The following SNTB2 variants were observed in gnomAD, a reference collection of about 807,000 sequenced individuals.
SNTB2 encodes the protein beta-2-syntrophin.
SNTB2 carries 34 observed loss-of-function variants against 46.2 expected under a neutral mutation model. The ratio of observed to expected loss-of-function variants is 0.74; its 90% CI spans 0.56 to 0.98. The LOEUF (loss-of-function observed/expected upper bound fraction) is 0.98, where lower values mean the gene tolerates loss of function less well. Ranked by LOEUF, SNTB2 falls within the 50% of genes least tolerant of loss-of-function variation. SNTB2 has a pLI of 0.00. For missense variants in SNTB2, 603 were observed against 731.4 expected (o/e 0.82, Z 2.02); for synonymous variants, 290 against 312.6 (o/e 0.93, Z 0.76).
At chr16:69,233,069 A>G (rs556567229) in intron 1 of SNTB2, among the ~76,000 whole-genome samples, 42 of 152,338 alleles carry the variant, frequency 2.8e-4, no homozygotes, top group African/African-American at 9.9e-4. Context: ...TTCCAAGATC[A>G]CCATAAACCT....
intron 1 of SNTB2, among the ~76,000 whole-genome samples, chr16:69,243,735 A>C (rs1964641231): frequency 6.6e-6 from 1 of 152,174 alleles, no homozygotes; most frequent in Non-Finnish European, 1.5e-5. Context: ...TCAGCTGCTC[A>C]AGGGTTATAC....
chr16:69,240,970 C>T (rs1267719267), intron 1 of SNTB2: 2 of 152,222 alleles, frequency 1.3e-5, no homozygotes, highest in East Asian at 3.9e-4. Context: ...AAGCAGTTCT[C>T]CTGCCTCAGC....
In SNTB2 at chr16:69,187,198, G is replaced by A; in HGVS notation, c.32G>A (p.Gly11Glu). MRVAAATAAA[G>E]AGPAMAVWTR... is the part of the protein sequence containing the mutation. ...GTAGCTGCGGCGACTGCGGCGGCTG[G>A]AGCGGGGCCGGCCATGGCGGTGTGG... The change falls in exon 1 of 7, where the codon GGA becomes GAA. Residue 11 changes from glycine (G) to glutamate (E), a missense_variant. Gly to Glu is a moderately conservative substitution (Grantham distance 98). This residue lies in a region of SNTB2 where 66 missense variants were observed against 39.0 expected (regional missense o/e 1.69). Transcript: ENST00000336278. 7 of 1,398,444 alleles carry A rather than the reference G, an allele frequency of 5.0e-6. No homozygotes were observed. The highest frequency in any genetic ancestry group is 6.5e-6 in the Non-Finnish European group (7 of 1,075,028). The allele number at this position is 1,398,444 out of a possible 1,614,324, so 86.6% of individuals were successfully genotyped here.
chr16:69,193,154 G>C (rs1395295790), intron 1 of SNTB2, among the ~76,000 whole-genome samples: 1 of 151,502 alleles, frequency 6.6e-6, no homozygotes. Context: ...ACTTTGGAAG[G>C]CAGAGGCAGT....
chr16:69,235,951 C>T (rs1009426842), intron 1 of SNTB2: 3 of 929,528 alleles, frequency 3.2e-6, no homozygotes, highest in Non-Finnish European at 4.2e-6. Flanking sequence ...AGTAAGCTCC[C>T]ATTACTTTCG....
intron 4 of SNTB2, among the ~76,000 whole-genome samples, chr16:69,274,523 G>T (rs1248834454): frequency 6.6e-6 from 1 of 151,806 alleles, no homozygotes; most frequent in Non-Finnish European, 1.5e-5. Context: ...TGTGGTGGCG[G>T]GCGCCTGTGG....
intron 5 of SNTB2, among the ~76,000 whole-genome samples, chr16:69,297,526 G>A (rs1342518105): frequency 6.6e-6 from 1 of 151,254 alleles, no homozygotes; most frequent in African/African-American, 2.4e-5. Context: ...GTTGAGGCGG[G>A]AGAATTGCTT....
chr16:69,205,043 A>G (rs1964199935), intron 1 of SNTB2, among the ~76,000 whole-genome samples: 1 of 152,176 alleles, frequency 6.6e-6, no homozygotes, highest in Admixed American at 6.6e-5. Flanking sequence ...AGCAAACAAG[A>G]GTCCTCATAC....
chr16:69,194,691 TA>T (rs1261942437), intron 1 of SNTB2, among the ~76,000 whole-genome samples: 1 of 152,192 alleles, frequency 6.6e-6, no homozygotes, highest in African/African-American at 2.4e-5. Flanking sequence ...CCAGATGTTC[TA>T]TTTGGCCAGG....
chr16:69,189,851 T>A (rs1964034010), intron 1 of SNTB2, among the ~76,000 whole-genome samples: 1 of 152,246 alleles, frequency 6.6e-6, no homozygotes, highest in African/African-American at 2.4e-5. Context: ...CAGTCTTTAT[T>A]GGGCTAAAAT....
chr16:69,292,750 G>A (rs918968445), intron 5 of SNTB2, among the ~76,000 whole-genome samples: 1 of 151,736 alleles, frequency 6.6e-6, no homozygotes, highest in Non-Finnish European at 1.5e-5. Context: ...ACCACGCCCG[G>A]CCGAGTGTTC....
Position 69,291,494 on chromosome 16 carries a change from T to A in SNTB2, c.1345+7250T>A, listed in dbSNP as rs149229878. On this transcript the variant is annotated intron_variant, in intron 5 of 6. Coordinates refer to ENST00000336278, the MANE Select transcript of SNTB2 (RefSeq NM_006750.4). ...TGGGAGGCCAAGGCAGGAGGATTAC[T>A]TGACACCAGAGTTCGAGACTAGCCT... Among the ~76,000 whole-genome samples, 212 of 152,170 alleles carry A rather than the reference T, an allele frequency of 1.4e-3. 2 individuals carry two copies. Among genetic ancestry groups the A allele is most frequent in the South Asian group, 3.7e-3 (18 of 4,820 alleles).
At chr16:69,251,662 C>T (rs1275428429) in intron 2 of SNTB2, among the ~76,000 whole-genome samples, 4 of 151,638 alleles carry the variant, frequency 2.6e-5, no homozygotes, top group Non-Finnish European at 4.4e-5. Context: ...CCTGTAATCC[C>T]AGCTACTCGG....
intron 5 of SNTB2, among the ~76,000 whole-genome samples, chr16:69,287,751 C>T (rs1342982795): frequency 2.6e-5 from 4 of 151,876 alleles, no homozygotes; most frequent in Non-Finnish European, 5.9e-5. Flanking sequence ...CCCAGCTACT[C>T]GGGATGGTGA....
intron 3 of SNTB2, among the ~76,000 whole-genome samples, chr16:69,267,244 C>T (rs1184987910): frequency 6.6e-6 from 1 of 152,148 alleles, no homozygotes; most frequent in African/African-American, 2.4e-5. Flanking sequence ...GTCTTGATCT[C>T]CTGATCTCTT....
chr16:69,300,154 T>G (rs1965265268), intron 6 of SNTB2, among the ~76,000 whole-genome samples: 1 of 152,122 alleles, frequency 6.6e-6, no homozygotes, highest in African/African-American at 2.4e-5. Context: ...CATCTTGGCC[T>G]CCCAAGGTGT....
chr16:69,194,949 A>G (rs9933019), intron 1 of SNTB2, among the ~76,000 whole-genome samples: 18,442 of 152,266 alleles, frequency 0.12, 1,284 homozygotes, highest in Middle Eastern at 0.23. Flanking sequence ...ACAGCTGTAA[A>G]ACAAAAGTCA....
At chr16:69,242,381 C>CCACT (rs1964625957) in intron 1 of SNTB2, among the ~76,000 whole-genome samples, 1 of 152,084 alleles carries the variant, frequency 6.6e-6, no homozygotes, top group Non-Finnish European at 1.5e-5. Flanking sequence ...TATGATTGTG[C>CCACT]CACTGCCCTG....
At chr16:69,290,705 A>G (rs1330859913) in intron 5 of SNTB2, among the ~76,000 whole-genome samples, 1 of 152,218 alleles carries the variant, frequency 6.6e-6, no homozygotes, top group African/African-American at 2.4e-5. Context: ...CAAAAGAATA[A>G]TAGGTATGTA....
Sources: allele counts gnomAD v4.1 joint callset (sites outside exome capture counted in the v4.1 genomes callset), GRCh38; gene constraint gnomAD v4.1.1; regional missense constraint gnomAD v4.1.1; transcripts MANE v1.5; gene names NCBI Gene and HGNC (gene_info 2026-07-23, HGNC 2026-07-21).